The following PCDHGB1 variants were observed in gnomAD, a reference collection of about 807,000 sequenced individuals.
The protein encoded by PCDHGB1 is protocadherin gamma-B1.
In PCDHGB1, 34 loss-of-function variants were observed where a neutral mutation model predicts 56.6. That is an observed-to-expected ratio of 0.60 (90% CI 0.46 to 0.80). PCDHGB1 has a LOEUF of 0.80. Among genes scored for constraint, PCDHGB1 ranks in the 30% least tolerant of loss-of-function variants. PCDHGB1 has a pLI of 0.00. For missense variants in PCDHGB1, 1,278 were observed against 1,204.6 expected (o/e 1.06, Z -0.90); for synonymous variants, 561 against 505.9 (o/e 1.11, Z -1.46).
In PCDHGB1 at chr5:141,435,388, G is replaced by T. The variant is rs186494703; in HGVS notation, c.2410-59419G>T. Among the ~76,000 whole-genome samples, 241 of 152,094 alleles carry T rather than the reference G, an allele frequency of 1.6e-3. 5 individuals carry two copies. Among genetic ancestry groups the T allele is most frequent in the Non-Finnish European group, 2.1e-4 (14 of 67,992 alleles). The stretch of plus-strand genomic sequence containing the variant: ...ACTTAAATATACAATATACCGTATT[G>T]CCATGACGAAAAATGGTAAAGACTA... On this transcript the variant is annotated intron_variant, in intron 1 of 3. Transcript: ENST00000523390.
chr5:141,383,057 G>A (rs1778763110), intron 1 of PCDHGB1: 2 of 1,613,902 alleles, frequency 1.2e-6, no homozygotes, highest in Non-Finnish European at 1.7e-6. Context: ...AAGGACCTGG[G>A]GCTGGAGCCC....
Position 141,356,579 on chromosome 5 carries a change from A to T in PCDHGB1, c.2409+3910A>T, listed in dbSNP as rs115115119. The T allele has an allele frequency of 9.9e-6, 16 of 1,614,150 alleles. No individual in the cohort carries two copies. The East Asian group carries it at 3.3e-4, about 34-fold the overall frequency. ...TTCCCTCATGCTTCCTACTCTGCTTACATTCCTGAAAACAACCCCAGAGGA... is the reference window on the plus strand; with the variant it reads ...TTCCCTCATGCTTCCTACTCTGCTTTCATTCCTGAAAACAACCCCAGAGGA... On this transcript the variant is annotated intron_variant, in intron 1 of 3. Transcript: ENST00000523390.
At chr5:141,475,871 A>G (rs568810142) in intron 1 of PCDHGB1, 17 of 513,152 alleles carry the variant, frequency 3.3e-5, no homozygotes, top group Middle Eastern at 5.1e-4. Context: ...TTCTTCGTGC[A>G]GTTATTGGCT....
chr5:141,512,241 G>A lies in PCDHGB1; in HGVS notation c.*1068G>A, dbSNP rs533051658. On this transcript the variant is annotated 3_prime_UTR_variant, in exon 4 of 4. Coordinates refer to ENST00000523390, the MANE Select transcript of PCDHGB1 (RefSeq NM_018922.3). ...CCAGGTCCCCTTGAGAGGTCAGAGGGGCCTCTGTGGGTGCTGGGTACTCCA... is the reference window on the plus strand; with the variant it reads ...CCAGGTCCCCTTGAGAGGTCAGAGGAGCCTCTGTGGGTGCTGGGTACTCCA... 1 of 152,866 alleles carries A rather than the reference G, an allele frequency of 6.5e-6. No individual in the cohort carries two copies. The highest frequency in any genetic ancestry group is 2.1e-4 in the South Asian group (1 of 4,824). 9.5% of individuals were successfully genotyped at this position (152,866 alleles called of 1,614,324 possible).
intron 1 of PCDHGB1, chr5:141,383,358 G>C (rs773383689): frequency 8.7e-6 from 14 of 1,613,864 alleles, no homozygotes; most frequent in Middle Eastern, 1.6e-4. Context: ...TTCGGTTTCC[G>C]TTAAGCGAGG....
chr5:141,491,567 C>T lies in PCDHGB1; in HGVS notation c.2410-3240C>T, dbSNP rs2099721325. On this transcript the variant is annotated intron_variant, in intron 1 of 3. Transcript: ENST00000523390. The surrounding 1 kb of genome is among the most constrained non-coding windows in gnomAD (Gnocchi z 6.9). ...GACTCGCAGAGCCACTGCTACAGGACGTGCTTTTCACCGGCCTCGGACGGC... is the reference window on the plus strand; with the variant it reads ...GACTCGCAGAGCCACTGCTACAGGATGTGCTTTTCACCGGCCTCGGACGGC... 1.9e-6 allele frequency: 3 copies of T among 1,614,004 alleles called. No individual in the cohort carries two copies. The highest frequency in any genetic ancestry group is 2.5e-6 in the Non-Finnish European group (3 of 1,180,034).
chr5:141,361,631 G>C (rs534427524), intron 1 of PCDHGB1: 1 of 1,613,902 alleles, frequency 6.2e-7, no homozygotes, highest in Admixed American at 1.7e-5. Flanking sequence ...CTGAAGCCGC[G>C]GGAGATTTTA....
intron 1 of PCDHGB1, chr5:141,478,117 C>G (rs1419172538): frequency 1.3e-5 from 21 of 1,614,058 alleles, no homozygotes; most frequent in Non-Finnish European, 1.7e-5. Context: ...TGTCAGTAAC[C>G]GAGGACTCTC....
At chr5:141,404,484 C>G in intron 1 of PCDHGB1, 1 of 1,613,504 alleles carries the variant, frequency 6.2e-7, no homozygotes, top group East Asian at 2.2e-5. Context: ...AACTCAGACA[C>G]TGGTGTGCTG....
At position 141,511,983 on chromosome 5, in the gene PCDHGB1, G is replaced by A. The variant is rs904146751; in HGVS notation, c.*810G>A. 6.5e-6 allele frequency: 1 copy of A among 153,280 alleles called. No homozygotes were observed. The highest frequency in any genetic ancestry group is 1.5e-5 in the Non-Finnish European group (1 of 68,572). The allele number at this position is 153,280 out of a possible 1,614,324, so 9.5% of individuals were successfully genotyped here. A position where few individuals can be genotyped will look rare whatever the true frequency, so the allele number is the denominator to read the frequency against. ...AGGGAAGTGTGTGGATGTGGATGGT[G>A]GGGGCATGGACAAAGCTTGACACAT... On this transcript the variant is annotated 3_prime_UTR_variant, in exon 4 of 4. Coordinates refer to ENST00000523390, the MANE Select transcript of PCDHGB1 (RefSeq NM_018922.3).
intron 1 of PCDHGB1, chr5:141,374,914 A>G: frequency 6.2e-7 from 1 of 1,613,906 alleles, no homozygotes; most frequent in African/African-American, 1.3e-5. Context: ...ACGGGGAAGT[A>G]ACTTATTCCT....
In PCDHGB1 at chr5:141,431,318, G is replaced by T. The variant is rs1309389474; in HGVS notation, c.2410-63489G>T. The T allele has an allele frequency of 6.2e-7, 1 of 1,614,086 alleles. No individual in the cohort carries two copies. Among genetic ancestry groups the T allele is most frequent in the African/African-American group, 1.3e-5 (1 of 75,050 alleles). ...CTCCCTCATCGTGCAAAATGGAGCCGACGGTAGTAAGTACCCCGAATTGGT... is the reference window on the plus strand; with the variant it reads ...CTCCCTCATCGTGCAAAATGGAGCCTACGGTAGTAAGTACCCCGAATTGGT... On this transcript the variant is annotated intron_variant, in intron 1 of 3. Coordinates refer to ENST00000523390, the MANE Select transcript of PCDHGB1 (RefSeq NM_018922.3). The surrounding 1 kb of genome is among the most constrained non-coding windows in gnomAD (Gnocchi z 4.8).
chr5:141,489,477 G>C lies in PCDHGB1; in HGVS notation c.2410-5330G>C, dbSNP rs2154581232. 1.9e-6 allele frequency: 3 copies of C among 1,614,108 alleles called. No homozygotes were observed. Among genetic ancestry groups the C allele is most frequent in the Non-Finnish European group, 2.5e-6 (3 of 1,180,034 alleles). ...ATGGGCGCTATTTTTCCCTGAGCTT[G>C]ATGAGTGGTGCCCTGGCAGTGAATC... is the stretch of plus-strand genomic sequence containing the variant. On this transcript the variant is annotated intron_variant, in intron 1 of 3. Coordinates refer to ENST00000523390, the MANE Select transcript of PCDHGB1 (RefSeq NM_018922.3). This position sits in a 1 kb window ranked among gnomAD's most constrained non-coding sequence, Gnocchi z 4.5.
intron 1 of PCDHGB1, chr5:141,378,709 C>T (rs1358072601): frequency 6.6e-6 from 1 of 152,094 alleles, no homozygotes; most frequent in Non-Finnish European, 1.5e-5. Context: ...ATAAGGCTTT[C>T]ATCATATAGG....
At position 141,485,301 on chromosome 5, in the gene PCDHGB1, C is replaced by T; in HGVS notation, c.2410-9506C>T. 1 of 1,614,124 alleles carries T rather than the reference C, an allele frequency of 6.2e-7. No homozygotes were observed. The highest frequency in any genetic ancestry group is 1.1e-5 in the South Asian group (1 of 91,082). The stretch of plus-strand genomic sequence containing the variant: ...GTCCCAGAGGAGTCACAGGAAGGGA[C>T]TTTTGTAGGGAATGTCGCTCAAGAT... On this transcript the variant is annotated intron_variant, in intron 1 of 3. Coordinates refer to ENST00000523390, the MANE Select transcript of PCDHGB1 (RefSeq NM_018922.3). This position sits in a 1 kb window ranked among gnomAD's most constrained non-coding sequence, Gnocchi z 5.7.
At chr5:141,416,434 A>G (rs2096024040) in intron 1 of PCDHGB1, 1 of 152,222 alleles carries the variant, frequency 6.6e-6, no homozygotes, top group African/African-American at 2.4e-5. Context: ...CTAAGGCTGA[A>G]AGTAAATATG....
chr5:141,424,860 A>C (rs2154550951), intron 1 of PCDHGB1, among the ~76,000 whole-genome samples: 1 of 152,340 alleles, frequency 6.6e-6, no homozygotes. Flanking sequence ...TGTCTAGGAA[A>C]GCCAAATGAG....
chr5:141,511,342 C>T lies in PCDHGB1; in HGVS notation c.*169C>T. On this transcript the variant is annotated 3_prime_UTR_variant, in exon 4 of 4. Transcript: ENST00000523390. The stretch of plus-strand genomic sequence containing the variant: ...AACAAGTGCCCAGTCAGCACCTACC[C>T]CTTCCCCCCCAGGGGGTTGAATATG... The T allele has an allele frequency of 7.0e-7, 1 of 1,425,078 alleles. No individual in the cohort carries two copies. Among genetic ancestry groups the T allele is most frequent in the East Asian group, 2.5e-5 (1 of 40,014 alleles). 88.3% of individuals were successfully genotyped at this position (1,425,078 alleles called of 1,614,324 possible). A position where few individuals can be genotyped will look rare whatever the true frequency, so the allele number is the denominator to read the frequency against.
chr5:141,398,707 C>T, intron 1 of PCDHGB1: 1 of 1,613,860 alleles, frequency 6.2e-7, no homozygotes, highest in Non-Finnish European at 8.5e-7. Flanking sequence ...ATACCCGGAA[C>T]TGGCACTGGA....
Sources: allele counts gnomAD v4.1 joint callset (sites outside exome capture counted in the v4.1 genomes callset), GRCh38; gene constraint gnomAD v4.1.1; non-coding constraint Gnocchi (gnomAD v3.1); transcripts MANE v1.5; gene names NCBI Gene and HGNC (gene_info 2026-07-23, HGNC 2026-07-21).